Variants in DNAH11 observed in about 807,000 individuals in gnomAD.
DNAH11 encodes dynein axonemal heavy chain 11.
Under a neutral mutation model 526.0 loss-of-function variants are expected in DNAH11, and 442 were observed. The ratio of observed to expected loss-of-function variants is 0.84; its 90% confidence interval spans 0.78 to 0.91. DNAH11 has a LOEUF of 0.91. Ranked by LOEUF, DNAH11 falls within the 40% of genes least tolerant of loss-of-function variation. DNAH11 has a pLI of 0.00. For missense variants in DNAH11, 6,989 were observed against 5,448.7 expected, an observed-to-expected ratio of 1.28 and a Z score of -8.90; for synonymous variants, 2,461 against 1,935.9, an observed-to-expected ratio of 1.27 and a Z score of -7.12.
chr7:21,561,015 T>C (rs1286734308), intron 4 of DNAH11, 56 bp from the exon 5 acceptor site: 5 of 1,166,404 alleles, frequency 4.3e-6, no homozygotes, highest in Non-Finnish European at 5.0e-6. Flanking sequence ...AGAATGCATG[T>C]ATTTAGTAAT....
intron 75 of DNAH11, among the ~76,000 whole-genome samples, chr7:21,883,766 A>G (rs34824239): frequency 0.85 from 129,055 of 152,152 alleles, 55,862 homozygotes; most frequent in East Asian, 0.95. Flanking sequence ...AAGGCTGGGC[A>G]TGGCAGCTCA....
At position 21,570,283 on chromosome 7, in the gene DNAH11, G is replaced by A. The variant is rs775108833; in HGVS notation, c.1409G>A (p.Arg470His). Residue 470 changes from arginine (R) to histidine (H), a missense_variant, in exon 7 of 82, where the codon CGT (arginine) becomes CAT (histidine). Physicochemically the swap from Arg to His is conservative, Grantham distance 29 (BLOSUM62 0). Coordinates refer to ENST00000409508, the MANE Select transcript of DNAH11 (RefSeq NM_001277115.2). ...VFCRFDKFLDRLIKIEDIFAT... is the reference protein window; with the variant it reads ...VFCRFDKFLDHLIKIEDIFAT... ...TGCAGATTTGACAAGTTTCTTGATCGTTTAATAAAAATAGAGGTATTCATT... is the reference window on the plus strand; with the variant it reads ...TGCAGATTTGACAAGTTTCTTGATCATTTAATAAAAATAGAGGTATTCATT... 106 of 1,604,014 alleles carry A rather than the reference G, an allele frequency of 6.6e-5. No individual in the cohort carries two copies. Among genetic ancestry groups the A allele is most frequent in the South Asian group, 2.5e-4 (22 of 88,330 alleles).
At chr7:21,880,997 G>A in intron 75 of DNAH11, 104 bp downstream of exon 75, 2 of 1,030,526 alleles carry the variant, frequency 1.9e-6, no homozygotes, top group Non-Finnish European at 2.7e-6. Flanking sequence ...AGCTATTATT[G>A]AAATAGCTGA....
intron 28 of DNAH11, among the ~76,000 whole-genome samples, chr7:21,647,021 C>T (rs1787385311): frequency 6.6e-6 from 1 of 152,102 alleles, no homozygotes; most frequent in African/African-American, 2.4e-5. Context: ...AGATGATAGA[C>T]TTAGCCAATA....
chr7:21,823,758 A>G (rs199850238), intron 65 of DNAH11, among the ~76,000 whole-genome samples: 1 of 152,372 alleles, frequency 6.6e-6, no homozygotes, highest in East Asian at 1.9e-4. Context: ...GTATTCAAAT[A>G]CTAGACAAAA....
At chr7:21,630,650 C>T (rs1583545856) in intron 25 of DNAH11, among the ~76,000 whole-genome samples, 1 of 152,132 alleles carries the variant, frequency 6.6e-6, no homozygotes, top group East Asian at 1.9e-4. Context: ...AATGTCATTC[C>T]ACTTTCTACT....
intron 28 of DNAH11, among the ~76,000 whole-genome samples, chr7:21,644,145 A>G (rs1387716398): frequency 1.3e-5 from 2 of 152,208 alleles, no homozygotes; most frequent in Non-Finnish European, 2.9e-5. Flanking sequence ...GATACCTCTA[A>G]TAGACTGTAA....
intron 49 of DNAH11, 38 bp downstream of exon 49, chr7:21,742,204 GAAAT>G: frequency 6.2e-7 from 1 of 1,602,164 alleles, no homozygotes; most frequent in Non-Finnish European, 8.5e-7. Context: ...CTTGAGTAGA[GAAAT>G]AATGATAATA....
chr7:21,842,254 TTTG>T (rs1408106998), intron 65 of DNAH11, among the ~76,000 whole-genome samples: 1 of 152,160 alleles, frequency 6.6e-6, no homozygotes, highest in Non-Finnish European at 1.5e-5. Context: ...AAAGCTAATA[TTTG>T]TTGTTATAGG....
At chr7:21,684,019 G>C in intron 32 of DNAH11, 75 bp downstream of exon 32, 5 of 1,433,744 alleles carry the variant, frequency 3.5e-6, no homozygotes, top group Non-Finnish European at 4.8e-6. Context: ...TGAAAAGGAA[G>C]GAATGAGAGG....
intron 68 of DNAH11, 142 bp from the exon 69 acceptor site, chr7:21,861,711 C>A (rs1583784550): frequency 2.9e-6 from 2 of 682,990 alleles, no homozygotes; most frequent in East Asian, 3.0e-5. Flanking sequence ...GTACCATGTG[C>A]CAGAAACTAT....
chr7:21,718,045 T>G lies in DNAH11; in HGVS notation c.7134+120T>G, dbSNP rs1052144446. 1.8e-5 allele frequency: 25 copies of G among 1,394,252 alleles called. No individual in the cohort carries two copies. The African/African-American group carries it at 3.2e-4, about 18-fold the overall frequency. 86.4% of individuals were successfully genotyped at this position (1,394,252 alleles called of 1,614,324 possible). A position where few individuals can be genotyped will look rare whatever the true frequency, so the allele number is the denominator to read the frequency against. ...GAGAAGATTTCTGGAATTGTTAGAT[T>G]GCTGCAACCCTCTTGCCCCCGCCCC... On this transcript the variant is annotated intron_variant, in intron 43 of 81. Transcript: ENST00000409508.
chr7:21,862,975 A>G (rs372393575), intron 69 of DNAH11, among the ~76,000 whole-genome samples: 2 of 151,438 alleles, frequency 1.3e-5, no homozygotes, highest in East Asian at 1.9e-4. Flanking sequence ...GAGGCAGGAG[A>G]ATGGCACGAA....
chr7:21,680,767 T>A (rs1455494989), intron 30 of DNAH11, among the ~76,000 whole-genome samples: 1 of 152,238 alleles, frequency 6.6e-6, no homozygotes, highest in African/African-American at 2.4e-5. Flanking sequence ...TCTTCATCTC[T>A]TAATTTTAAA....
intron 54 of DNAH11, among the ~76,000 whole-genome samples, chr7:21,757,153 C>G (rs533290511): frequency 1.3e-5 from 2 of 152,162 alleles, no homozygotes; most frequent in African/African-American, 4.8e-5. Flanking sequence ...GAGTTTGCTG[C>G]GTAGACAGAT....
At chr7:21,882,605 G>A (rs774887137) in intron 75 of DNAH11, among the ~76,000 whole-genome samples, 1 of 152,140 alleles carries the variant, frequency 6.6e-6, no homozygotes, top group Non-Finnish European at 1.5e-5. Flanking sequence ...ACACCAGCCT[G>A]GGTAACATGG....
In DNAH11 at chr7:21,581,544, T is replaced by G. The variant is rs1283335407; in HGVS notation, c.1594-361T>G. Among the ~76,000 whole-genome samples the G allele has an allele frequency of 2.0e-5, 3 of 152,366 alleles. No homozygotes were observed. The East Asian group carries it at 5.8e-4, about 29-fold the overall frequency. On this transcript the variant is annotated intron_variant, in intron 8 of 81. Transcript: ENST00000409508. ...TAATGAGGATAGGTTCTTTTTTCTTTTCTGAAAAACTTCACTTTTTCATTT... is the reference window on the plus strand; with the variant it reads ...TAATGAGGATAGGTTCTTTTTTCTTGTCTGAAAAACTTCACTTTTTCATTT...
intron 14 of DNAH11, among the ~76,000 whole-genome samples, chr7:21,597,857 T>C (rs1380922191): frequency 6.6e-6 from 1 of 152,232 alleles, no homozygotes; most frequent in Non-Finnish European, 1.5e-5. Context: ...TTTTCTCTTT[T>C]AGTGCCTACA....
intron 62 of DNAH11, among the ~76,000 whole-genome samples, chr7:21,801,579 TG>T (rs1367302046): frequency 6.6e-6 from 1 of 152,240 alleles, no homozygotes; most frequent in African/African-American, 2.4e-5. Flanking sequence ...GTACATCAGC[TG>T]TGGGTGGGTT....
Sources: gnomAD v4.1 joint callset for allele counts (sites outside exome capture counted in the v4.1 genomes callset) on GRCh38, gnomAD v4.1.1 for gene constraint, MANE v1.5 for transcripts, NCBI Gene and HGNC (gene_info 2026-07-23, HGNC 2026-07-21) for gene names.